The following RRBP1 variants were observed in gnomAD, a reference collection of about 807,000 sequenced individuals.
RRBP1 encodes ribosome-binding protein 1.
RRBP1 carries 94 observed loss-of-function variants against 165.2 expected under a neutral mutation model. The observed-to-expected ratio is 0.57, with a 90% CI of 0.48 to 0.68. The LOEUF (loss-of-function observed/expected upper bound fraction) is 0.68, where lower values mean the gene tolerates loss of function less well. RRBP1 is among the 30% of genes least tolerant of loss of function. The pLI is 0.00. For synonymous variants in RRBP1, 680 were observed against 714.5 expected (o/e 0.95, Z 0.77); for missense variants, 1,676 against 1,763.0 (o/e 0.95, Z 0.88).
Position 17,641,301 on chromosome 20 carries a change from CAGG to C in RRBP1, c.2184+493_2184+495del, listed in dbSNP as rs563979252. On this transcript the variant is annotated intron_variant, in intron 5 of 24. Transcript: ENST00000377813. ...CACGCCATCCGCTGATACGGGGAGC[CAGG>C]GTTTCCCTGCACATCCCTCCTCTGA... The C allele has an allele frequency of 5.4e-5, 9 of 166,776 alleles. No individual in the cohort carries two copies. The South Asian group carries it at 1.1e-3, about 21-fold the overall frequency. The allele number at this position is 166,776 out of a possible 1,614,324, so 10.3% of individuals were successfully genotyped here.
At chr20:17,652,775 G>A (rs950620109) in intron 3 of RRBP1, among the ~76,000 whole-genome samples, 1 of 152,206 alleles carries the variant, frequency 6.6e-6, no homozygotes, top group Non-Finnish European at 1.5e-5. Context: ...TTCCAACAAA[G>A]GGAGGAACCC....
intron 5 of RRBP1, among the ~76,000 whole-genome samples, chr20:17,638,353 A>G (rs1342275029): frequency 6.6e-6 from 1 of 152,180 alleles, no homozygotes; most frequent in African/African-American, 2.4e-5. Flanking sequence ...AGCCACATGG[A>G]TGGCTGGTTG....
intron 2 of RRBP1, among the ~76,000 whole-genome samples, chr20:17,673,594 A>G (rs1307017208): frequency 3.3e-5 from 5 of 152,092 alleles, no homozygotes; most frequent in Non-Finnish European, 7.4e-5. Context: ...TTTTTAGTAG[A>G]GACAGGGTTT....
rs1341700576 is a variant in RRBP1, at chr20:17,619,617, T to TG, written c.3675+15dup. On this transcript the variant is annotated intron_variant, in intron 19 of 24. Transcript: ENST00000377813. ...TCTGCTGGGCAGGGGCTGCACTCCT[T>TG]GGGGGGCAGACTCACCCCTGCCACC... 1.3e-6 allele frequency: 2 copies of TG among 1,595,756 alleles called. No individual in the cohort carries two copies.
intron 14 of RRBP1, 27 bp downstream of exon 14, chr20:17,621,828 T>A: frequency 6.2e-7 from 1 of 1,612,560 alleles, no homozygotes; most frequent in Non-Finnish European, 8.5e-7. Context: ...AACTGTGAGG[T>A]CCCCGGGAAC....
At chr20:17,675,624 C>A (rs1418809085) in intron 2 of RRBP1, among the ~76,000 whole-genome samples, 7 of 152,200 alleles carry the variant, frequency 4.6e-5, no homozygotes, top group Non-Finnish European at 1.5e-5. Flanking sequence ...ATGAGGGAGC[C>A]AGCCATGTGC....
chr20:17,624,487 G>A, intron 13 of RRBP1, 89 bp downstream of exon 13: 1 of 848,354 alleles, frequency 1.2e-6, no homozygotes, highest in South Asian at 1.4e-5. Context: ...TAGAGCATCT[G>A]GTGTCCTAGT....
intron 2 of RRBP1, among the ~76,000 whole-genome samples, chr20:17,666,566 T>C (rs1182912803): frequency 6.6e-6 from 1 of 152,238 alleles, no homozygotes; most frequent in Non-Finnish European, 1.5e-5. Flanking sequence ...AGATTCTTTC[T>C]GATTTTTTTT....
chr20:17,668,710 T>G (rs1352946319), intron 2 of RRBP1, among the ~76,000 whole-genome samples: 1 of 152,218 alleles, frequency 6.6e-6, no homozygotes, highest in South Asian at 2.1e-4. Flanking sequence ...CAGGTGGATG[T>G]GAGAGAAGGC....
At position 17,621,704 on chromosome 20, in the gene RRBP1, C is replaced by T. The variant is rs373955154; in HGVS notation, c.3310G>A (p.Ala1104Thr). 15 of 1,613,406 alleles carry T rather than the reference C, an allele frequency of 9.3e-6. No homozygotes were observed. Among genetic ancestry groups the T allele is most frequent in the African/African-American group, 2.7e-5 (2 of 74,938 alleles). The change falls in exon 15 of 25, where the codon GCG becomes ACG. Residue 1104 changes from alanine (A) to threonine (T), a missense_variant. Ala to Thr is a moderately conservative substitution (Grantham distance 58). This residue lies in a region of RRBP1 where 1,184 missense variants were observed against 1,167.1 expected (regional missense o/e 1.01). Coordinates refer to ENST00000377813, the MANE Select transcript of RRBP1 (RefSeq NM_001365613.2). The part of the protein sequence containing the change: ...PTLLKHPPAP[A>T]EPSSDLASKL... ...GCCACACTTACCGAGGAGGGCTCCG[C>T]GGGAGCTGGCGGGTGCTTCAGCAGC... is the stretch of plus-strand genomic sequence containing the variant.
chr20:17,658,460 ATTT>A (rs111790829), intron 3 of RRBP1, 133 bp downstream of exon 3: 1 of 727,690 alleles, frequency 1.4e-6, no homozygotes, highest in East Asian at 2.7e-5. Context: ...AGGCCACTGA[ATTT>A]TTTTTTGAAT....
chr20:17,614,318 A>AGGGGGT, intron 24 of RRBP1, 98 bp from the exon 25 acceptor site: 1 of 1,148,010 alleles, frequency 8.7e-7, no homozygotes, highest in Non-Finnish European at 1.2e-6. Flanking sequence ...CCCTGGATTG[A>AGGGGGT]CCCCCTCAAG....
chr20:17,616,141 G>C, intron 21 of RRBP1, 132 bp from the exon 22 acceptor site: 1 of 731,288 alleles, frequency 1.4e-6, no homozygotes, highest in South Asian at 1.9e-5. Context: ...CCCCTCGTTG[G>C]GGAGAGGGCA....
At chr20:17,671,357 G>A (rs559347412) in intron 2 of RRBP1, among the ~76,000 whole-genome samples, 7 of 152,188 alleles carry the variant, frequency 4.6e-5, no homozygotes, top group South Asian at 2.1e-4. Flanking sequence ...ATTCTCTTTC[G>A]TTTGATAATT....
chr20:17,662,455 G>A (rs1035380187), intron 2 of RRBP1, among the ~76,000 whole-genome samples: 5 of 152,130 alleles, frequency 3.3e-5, no homozygotes, highest in African/African-American at 9.7e-5. Flanking sequence ...GTCACTCGGC[G>A]TTGAGCGAGA....
chr20:17,635,110 G>A (rs1179614955), intron 7 of RRBP1, among the ~76,000 whole-genome samples: 1 of 152,196 alleles, frequency 6.6e-6, no homozygotes, highest in Non-Finnish European at 1.5e-5. Context: ...CACTGAGGGT[G>A]TAATGCTTAA....
rs535139750 is a variant in RRBP1 at position 17,675,687 on chromosome 20, G to A, written c.-22+4312C>T. ...GCCAAAGTAGACGCAAAGGCCCGGA[G>A]GCAGAAGCATGCCTGAGGAACAGAG... On this transcript the variant is annotated intron_variant, in intron 2 of 24. Coordinates refer to ENST00000377813, the MANE Select transcript of RRBP1 (RefSeq NM_001365613.2). 3.9e-5 allele frequency among the ~76,000 whole-genome samples: 6 copies of A among 152,354 alleles called. No homozygotes were observed. The South Asian group carries it at 1.2e-3, about 32-fold the overall frequency.
intron 3 of RRBP1, among the ~76,000 whole-genome samples, chr20:17,654,346 C>T (rs1291102775): frequency 6.6e-6 from 1 of 152,200 alleles, no homozygotes; most frequent in African/African-American, 2.4e-5. Context: ...GCTGCTCCCC[C>T]AGTGAGAAGA....
intron 2 of RRBP1, among the ~76,000 whole-genome samples, chr20:17,669,407 C>A (rs1051087771): frequency 2.0e-5 from 3 of 152,184 alleles, no homozygotes; most frequent in Non-Finnish European, 2.9e-5. Context: ...ACTGATGTCT[C>A]AAAATGGACA....
Sources: allele counts gnomAD v4.1 joint callset (sites outside exome capture counted in the v4.1 genomes callset), GRCh38; gene constraint gnomAD v4.1.1; regional missense constraint gnomAD v4.1.1; transcripts MANE v1.5; gene names NCBI Gene and HGNC (gene_info 2026-07-23, HGNC 2026-07-21).